Variants in PTPRG observed in about 807,000 individuals in gnomAD.
PTPRG encodes receptor-type tyrosine-protein phosphatase gamma.
A neutral mutation model predicts 165.3 loss-of-function variants in PTPRG; 102 were observed. That is an observed-to-expected ratio of 0.62 (90% CI 0.53 to 0.73). The LOEUF is 0.73. Among genes scored for constraint, PTPRG ranks in the 30% least tolerant of loss-of-function variants. The pLI, the probability that PTPRG is intolerant of heterozygous loss-of-function variation, is 0.00. For synonymous variants in PTPRG, 675 were observed against 669.5 expected (o/e 1.01, Z -0.13); for missense variants, 1,866 against 1,861.4 (o/e 1.00, Z -0.05).
chr3:62,006,251 T>C (rs902301261), intron 4 of PTPRG, among the ~76,000 whole-genome samples: 3 of 152,190 alleles, frequency 2.0e-5, no homozygotes, highest in African/African-American at 7.2e-5. Context: ...GTGATAACCA[T>C]ATTAATGGTA....
At position 62,273,918 on chromosome 3, in the gene PTPRG, C is replaced by A. The variant is rs1374907681; in HGVS notation, c.3465+74C>A. Reference sequence around the variant, plus strand: ...AATGCCTTGAGTTTGGGGGTTATGTCTTCTTTGCATTAATGTATACACCGA... The same window carrying A: ...AATGCCTTGAGTTTGGGGGTTATGTATTCTTTGCATTAATGTATACACCGA... On this transcript the variant is annotated intron_variant, in intron 23 of 29. Transcript: ENST00000474889. The surrounding 1 kb of genome is among the most constrained non-coding windows in gnomAD (Gnocchi z 4.1). 19 of 1,447,754 alleles carry A rather than the reference C, an allele frequency of 1.3e-5. No individual in the cohort carries two copies. Among genetic ancestry groups the A allele is most frequent in the Non-Finnish European group, 1.8e-5 (19 of 1,045,752 alleles). 89.7% of individuals were successfully genotyped at this position (1,447,754 alleles called of 1,614,324 possible).
At chr3:61,979,796 C>A (rs963420595) in intron 2 of PTPRG, among the ~76,000 whole-genome samples, 5 of 152,196 alleles carry the variant, frequency 3.3e-5, no homozygotes, top group African/African-American at 1.2e-4. Flanking sequence ...GCAAACGTTC[C>A]TCCTTTTATG....
chr3:61,822,457 A>C (rs977617780), intron 2 of PTPRG, among the ~76,000 whole-genome samples: 2 of 152,224 alleles, frequency 1.3e-5, no homozygotes, highest in Non-Finnish European at 2.9e-5. Context: ...TAATTCACTA[A>C]TGGAAGCTTT....
chr3:61,606,680 G>A (rs1701017918), intron 1 of PTPRG, among the ~76,000 whole-genome samples: 1 of 152,188 alleles, frequency 6.6e-6, no homozygotes, highest in Non-Finnish European at 1.5e-5. Flanking sequence ...TCCTTGTCTG[G>A]CAAGGGCTAC....
At chr3:62,085,393 G>A (rs903524907) in intron 5 of PTPRG, among the ~76,000 whole-genome samples, 8 of 152,248 alleles carry the variant, frequency 5.3e-5, no homozygotes, top group East Asian at 3.9e-4. Flanking sequence ...GATCAAACAT[G>A]TTAAAGGGAT....
intron 5 of PTPRG, among the ~76,000 whole-genome samples, chr3:62,132,298 A>G (rs1408963998): frequency 6.6e-6 from 1 of 152,222 alleles, no homozygotes; most frequent in African/African-American, 2.4e-5. Flanking sequence ...GATTGGGCCT[A>G]CTTTTAATAA....
At chr3:61,718,389 A>G (rs1278046524) in intron 1 of PTPRG, among the ~76,000 whole-genome samples, 1 of 152,188 alleles carries the variant, frequency 6.6e-6, no homozygotes, top group Admixed American at 6.5e-5. Flanking sequence ...GAAAAATGCC[A>G]GGTTGATTGA....
intron 5 of PTPRG, among the ~76,000 whole-genome samples, chr3:62,132,017 G>C (rs1299755222): frequency 6.6e-6 from 1 of 152,156 alleles, no homozygotes; most frequent in Non-Finnish European, 1.5e-5. Flanking sequence ...GACTGAAGAG[G>C]CTTGACTTTT....
At chr3:61,991,661 C>T (rs1228774311) in intron 3 of PTPRG, among the ~76,000 whole-genome samples, 1 of 152,222 alleles carries the variant, frequency 6.6e-6, no homozygotes, top group Non-Finnish European at 1.5e-5. Context: ...TTCATACCAT[C>T]TAAATGTAGT....
intron 2 of PTPRG, among the ~76,000 whole-genome samples, chr3:61,881,248 GT>G (rs2037881528): frequency 6.6e-6 from 1 of 152,138 alleles, no homozygotes; most frequent in Non-Finnish European, 1.5e-5. Context: ...ATGATTCTCT[GT>G]GAGAAGATGA....
chr3:61,860,713 G>T (rs939471482), intron 2 of PTPRG, among the ~76,000 whole-genome samples: 25 of 151,944 alleles, frequency 1.6e-4, no homozygotes, highest in Non-Finnish European at 1.8e-4. Context: ...CAAAGTGCCG[G>T]GATTACAGGT....
chr3:62,259,057 T>C (rs973189998), intron 16 of PTPRG, among the ~76,000 whole-genome samples: 1 of 152,182 alleles, frequency 6.6e-6, no homozygotes, highest in Admixed American at 6.5e-5. Flanking sequence ...ACAAGATCCT[T>C]TGGGGGACTG....
At chr3:61,968,111 T>TA (rs1410961660) in intron 2 of PTPRG, among the ~76,000 whole-genome samples, 2 of 152,188 alleles carry the variant, frequency 1.3e-5, no homozygotes, top group Non-Finnish European at 2.9e-5. Context: ...CTTCTGACAT[T>TA]AAGCTAAATG....
intron 2 of PTPRG, among the ~76,000 whole-genome samples, chr3:61,871,156 T>C (rs1010843886): frequency 7.6e-6 from 1 of 131,094 alleles, no homozygotes; most frequent in Non-Finnish European, 1.6e-5. Flanking sequence ...TTGTGTTGTG[T>C]TGTGTTGTGT....
intron 5 of PTPRG, among the ~76,000 whole-genome samples, chr3:62,101,425 C>T (rs1413187121): frequency 6.6e-6 from 1 of 152,202 alleles, no homozygotes. Flanking sequence ...CAAAGAATAA[C>T]TGATTGTTCA....
intron 1 of PTPRG, among the ~76,000 whole-genome samples, chr3:61,589,103 A>C (rs762478264): frequency 6.6e-5 from 10 of 152,298 alleles, no homozygotes; most frequent in Non-Finnish European, 1.2e-4. Flanking sequence ...AATAATTAAA[A>C]ATAATATTAT....
chr3:61,744,952 A>T (rs2106897380), intron 1 of PTPRG, among the ~76,000 whole-genome samples: 1 of 152,160 alleles, frequency 6.6e-6, no homozygotes, highest in Non-Finnish European at 1.5e-5. Context: ...ACAGGTACAT[A>T]ACATGCATAG....
chr3:61,678,541 G>T (rs1703316420), intron 1 of PTPRG, among the ~76,000 whole-genome samples: 1 of 152,102 alleles, frequency 6.6e-6, no homozygotes, highest in African/African-American at 2.4e-5. Flanking sequence ...TGTACCCTCT[G>T]TCTTTGCATC....
intron 4 of PTPRG, among the ~76,000 whole-genome samples, chr3:62,054,895 C>G (rs1279972271): frequency 6.6e-6 from 1 of 152,130 alleles, no homozygotes; most frequent in Non-Finnish European, 1.5e-5. Flanking sequence ...AAATTATAGG[C>G]TTTAGTGGGA....
Sources: gnomAD v4.1 joint callset for allele counts (sites outside exome capture counted in the v4.1 genomes callset) on GRCh38, gnomAD v4.1.1 for gene constraint, Gnocchi (gnomAD v3.1) non-coding constraint, MANE v1.5 for transcripts, NCBI Gene and HGNC (gene_info 2026-07-23, HGNC 2026-07-21) for gene names.